Variants in SYNE1 observed in about 807,000 individuals in gnomAD.
The protein encoded by SYNE1 is nesprin-1.
In SYNE1, 616 loss-of-function variants were observed where a neutral mutation model predicts 1,111.0. The ratio of observed to expected loss-of-function variants is 0.55; its 90% CI spans 0.52 to 0.59. The LOEUF (loss-of-function observed/expected upper bound fraction) is 0.59. Ranked by LOEUF, SYNE1 falls within the 20% of genes least tolerant of loss-of-function variation. The pLI is 0.00. For synonymous variants in SYNE1, 3,855 were observed against 3,825.8 expected (o/e 1.01, Z -0.28); for missense variants, 10,006 against 10,417.0 (o/e 0.96, Z 1.72).
At chr6:152,281,229 C>T (rs2094007845) in intron 97 of SYNE1, among the ~76,000 whole-genome samples, 1 of 151,994 alleles carries the variant, frequency 6.6e-6, no homozygotes, top group Non-Finnish European at 1.5e-5. Flanking sequence ...TGAAAAATTC[C>T]ATAATAAAGA....
At position 152,262,120 on chromosome 6, in the gene SYNE1, A is replaced by G. The variant is rs781494609; in HGVS notation, c.18884T>C (p.Met6295Thr). Reference sequence around the variant, plus strand: ...ATGTAGGCTTTCCCATTTCATTCTCATCTGGTCTTCAGCGGATGATTTCTC... The same window carrying G: ...ATGTAGGCTTTCCCATTTCATTCTCGTCTGGTCTTCAGCGGATGATTTCTC... ...EGEKSSAEDQ[M>T]RMKWESLHQE... The change falls in exon 101 of 146, where the codon ATG (methionine) becomes ACG (threonine). Residue 6295 changes from methionine (M) to threonine (T), a missense_variant. By Grantham distance (81) the Met-to-Thr change is moderately conservative. Coordinates refer to ENST00000367255, the MANE Select transcript of SYNE1 (RefSeq NM_182961.4). The G allele has an allele frequency of 6.2e-7, 1 of 1,613,890 alleles. No individual in the cohort carries two copies. Among genetic ancestry groups the G allele is most frequent in the East Asian group, 2.2e-5 (1 of 44,840 alleles).
intron 95 of SYNE1, among the ~76,000 whole-genome samples, chr6:152,286,175 C>G (rs1283686477): frequency 1.3e-5 from 2 of 152,092 alleles, no homozygotes; most frequent in East Asian, 1.9e-4. Context: ...TTATATACAT[C>G]TAGAAAAGTG....
chr6:152,202,370 G>GCAAAAAAAAAAAAAAAAAAAAAAAA (rs2075665267), intron 126 of SYNE1, among the ~76,000 whole-genome samples: 1 of 45,584 alleles, frequency 2.2e-5, no homozygotes, highest in Non-Finnish European at 4.6e-5. Flanking sequence ...AAAAAAAAAA[G>GCAAAAAAAAAAAAAAAAAAAAAAAA]CAAAAAAAAA....
chr6:152,341,489 A>G lies in SYNE1; in HGVS notation c.12226-2123T>C, dbSNP rs60039778. On this transcript the variant is annotated intron_variant, in intron 74 of 145. Transcript: ENST00000367255. ...TCCCATTCCCTAAAGTTCACATTTT[A>G]TGCCTTCTAAAAACATATAGCACTC... Among the ~76,000 whole-genome samples the G allele has an allele frequency of 4.4e-3, 674 of 152,336 alleles. 5 individuals carry two copies. Among genetic ancestry groups the G allele is most frequent in the African/African-American group, 0.016 (647 of 41,582 alleles).
chr6:152,397,604 T>C (rs2097755701), intron 49 of SYNE1, among the ~76,000 whole-genome samples: 1 of 152,220 alleles, frequency 6.6e-6, no homozygotes, highest in South Asian at 2.1e-4. Flanking sequence ...CTTCCTTTAC[T>C]ATAACGATCT....
chr6:152,528,358 T>C lies in SYNE1; in HGVS notation c.130-2183A>G, dbSNP rs116771215. ...TATTGTGTGAAGCCAATAAAGAGAC[T>C]TTATTACACCAGAATAAAAAAAATT... On this transcript the variant is annotated intron_variant, in intron 4 of 145. Coordinates refer to ENST00000367255, the MANE Select transcript of SYNE1 (RefSeq NM_182961.4). Among the ~76,000 whole-genome samples, 498 of 152,262 alleles carry C rather than the reference T, an allele frequency of 3.3e-3. 5 individuals carry two copies. Among genetic ancestry groups the C allele is most frequent in the African/African-American group, 0.01 (434 of 41,550 alleles).
intron 116 of SYNE1, 133 bp downstream of exon 116, chr6:152,225,588 T>G (rs1405715434): frequency 5.7e-6 from 6 of 1,058,588 alleles, no homozygotes; most frequent in African/African-American, 3.2e-5. Flanking sequence ...GATAACGAAG[T>G]GGACTTAAAA....
In SYNE1 at chr6:152,330,587, C is replaced by A; in HGVS notation, c.14098G>T (p.Val4700Phe). ...LEAQFLRMSK[V>F]PTDLAVEEAL... is the part of the protein sequence containing the mutation. ...TCCTCAACGGCCAGGTCGGTGGGAA[C>A]TTTGCTCATCCTCAAGAATTGGGCT... Residue 4700 changes from valine to phenylalanine, a missense_variant, in exon 78 of 146, where the codon GTT becomes TTT. Transcript: ENST00000367255. 6.2e-7 allele frequency: 1 copy of A among 1,613,776 alleles called. No homozygotes were observed. Among genetic ancestry groups the A allele is most frequent in the Non-Finnish European group, 8.5e-7 (1 of 1,180,030 alleles).
At position 152,570,226 on chromosome 6, in the gene SYNE1, AT is replaced by A. The variant is rs113036696; in HGVS notation, c.68-30206del. 7.0e-3 allele frequency among the ~76,000 whole-genome samples: 1,068 copies of A among 152,342 alleles called. 20 individuals carry two copies. Among genetic ancestry groups the A allele is most frequent in the African/African-American group, 0.024 (1,018 of 41,584 alleles). ...ATGTTCTTTCTCAGCACCAAGCTAT[AT>A]AAAAGTTAAAACAGTTTATTTCCTC... On this transcript the variant is annotated intron_variant, in intron 3 of 145. Transcript: ENST00000367255.
chr6:152,351,205 G>A (rs12206277), intron 70 of SYNE1, among the ~76,000 whole-genome samples: 88,230 of 152,040 alleles, frequency 0.58, 25,721 homozygotes, highest in East Asian at 0.62. Context: ...ATAGGCTAAA[G>A]GCACTATTTA....
At chr6:152,289,343 G>T (rs374340804) in intron 95 of SYNE1, among the ~76,000 whole-genome samples, 3 of 152,292 alleles carry the variant, frequency 2.0e-5, no homozygotes, top group African/African-American at 7.2e-5. Flanking sequence ...AATAGTAAGG[G>T]TGAAAAGAAA....
intron 39 of SYNE1, among the ~76,000 whole-genome samples, chr6:152,421,775 G>A (rs2098265263): frequency 6.6e-6 from 1 of 151,314 alleles, no homozygotes; most frequent in Non-Finnish European, 1.5e-5. Flanking sequence ...GCGTGATCTT[G>A]GCTCACTGCA....
chr6:152,566,231 AG>A (rs2128264181), intron 3 of SYNE1, among the ~76,000 whole-genome samples: 1 of 152,244 alleles, frequency 6.6e-6, no homozygotes, highest in Non-Finnish European at 1.5e-5. Flanking sequence ...ATAAGAGTGA[AG>A]GAACAAGGGA....
Position 152,232,119 on chromosome 6 carries a change from A to G in SYNE1, c.20859T>C (p.Tyr6953=), listed in dbSNP as rs1017732411. 6.4e-7 allele frequency: 1 copy of G among 1,570,124 alleles called. No homozygotes were observed. The highest frequency in any genetic ancestry group is 1.4e-5 in the African/African-American group (1 of 73,956). The change falls in exon 113 of 146, where the codon TAT becomes TAC. Residue 6953 remains tyrosine (Y), a synonymous_variant. Transcript: ENST00000367255. ...YKAIHEYLQK[Y]KGFKIDINCK... is the part of the protein sequence containing the mutation. ...AAAAACAAAAAATTTTAATTACCTTATATTTCTGAAGGTATTCATGAATTG... is the reference window on the plus strand; with the variant it reads ...AAAAACAAAAAATTTTAATTACCTTGTATTTCTGAAGGTATTCATGAATTG...
At chr6:152,396,684 C>T (rs911800192) in intron 50 of SYNE1, 91 bp downstream of exon 50, 50 of 1,197,718 alleles carry the variant, frequency 4.2e-5, no homozygotes, top group Middle Eastern at 2.0e-4. Flanking sequence ...CAGTGTCAAA[C>T]GTTATTTATT....
chr6:152,477,208 C>T (rs2098840088), intron 14 of SYNE1, among the ~76,000 whole-genome samples: 1 of 151,560 alleles, frequency 6.6e-6, no homozygotes, highest in Non-Finnish European at 1.5e-5. Context: ...ATGGAGTTGA[C>T]ATTATAGTGC....
intron 131 of SYNE1, among the ~76,000 whole-genome samples, chr6:152,157,364 AGC>A (rs1440568657): frequency 1.3e-5 from 2 of 152,220 alleles, no homozygotes; most frequent in African/African-American, 4.8e-5. Flanking sequence ...TGTATGTGGG[AGC>A]TAAAAAAGTT....
chr6:152,235,144 A>C (rs996885356), intron 110 of SYNE1, among the ~76,000 whole-genome samples: 1 of 151,948 alleles, frequency 6.6e-6, no homozygotes, highest in African/African-American at 2.4e-5. Context: ...TCAACCCTCC[A>C]CCCCGCTGAA....
rs774376555 is a variant in SYNE1, at chr6:152,399,766, G to C, written c.7087C>G (p.Leu2363Val). Residue 2363 changes from leucine to valine, a missense_variant, in exon 48 of 146, where the codon CTC (leucine) becomes GTC (valine). Coordinates refer to ENST00000367255, the MANE Select transcript of SYNE1 (RefSeq NM_182961.4). ...QSNISSTQENLNSLCRKYHSA... is the reference protein window; with the variant it reads ...QSNISSTQENVNSLCRKYHSA... ...TGGTACTTGCGGCACAAGCTATTGAGATTTTCTTGGGTAGAGCTGATGTTG... is the reference window on the plus strand; with the variant it reads ...TGGTACTTGCGGCACAAGCTATTGACATTTTCTTGGGTAGAGCTGATGTTG... 1.9e-6 allele frequency: 3 copies of C among 1,614,120 alleles called. No individual in the cohort carries two copies. The South Asian group carries it at 3.3e-5, about 18-fold the overall frequency.
Sources: allele counts gnomAD v4.1 joint callset (sites outside exome capture counted in the v4.1 genomes callset), GRCh38; gene constraint gnomAD v4.1.1; transcripts MANE v1.5; gene names NCBI Gene and HGNC (gene_info 2026-07-23, HGNC 2026-07-21).